Variants in IWS1 observed in about 807,000 individuals in gnomAD.
IWS1 encodes interacts with SUPT6H, CTD assembly factor 1, also known as protein IWS1 homolog.
A neutral mutation model predicts 86.7 loss-of-function variants in IWS1; 27 were observed. That is an observed-to-expected ratio of 0.31 (90% CI 0.23 to 0.43). The LOEUF (loss-of-function observed/expected upper bound fraction) is 0.43. Ranked by LOEUF, IWS1 falls within the 20% of genes least tolerant of loss-of-function variation. The pLI, the probability that IWS1 is intolerant of heterozygous loss-of-function variation, is 1.00. For missense variants in IWS1, 827 were observed against 1,000.8 expected (o/e 0.83, Z 2.34); for synonymous variants, 313 against 335.1 (o/e 0.93, Z 0.72).
rs1022006254 is a variant in IWS1, at chr2:127,526,486, G to C, written c.-278C>G. On this transcript the variant is annotated 5_prime_UTR_variant, in exon 1 of 14. Transcript: ENST00000295321. ...GAAGCACCGCTGGGGCCAAAATGGC[G>C]TCTGCCCACGACCCTCAAAGGAATG... is the stretch of plus-strand genomic sequence containing the variant. The C allele has an allele frequency of 4.0e-6, 6 of 1,517,596 alleles. No individual in the cohort carries two copies. Among genetic ancestry groups the C allele is most frequent in the Non-Finnish European group, 4.4e-6 (5 of 1,127,302 alleles). The allele number at this position is 1,517,596 out of a possible 1,614,324, so 94.0% of individuals were successfully genotyped here.
chr2:127,524,079 A>T (rs1170379543), intron 1 of IWS1, among the ~76,000 whole-genome samples: 3 of 152,216 alleles, frequency 2.0e-5, no homozygotes, highest in African/African-American at 7.2e-5. Context: ...CTTCATGTTA[A>T]AATTGGGTCT....
intron 5 of IWS1, among the ~76,000 whole-genome samples, chr2:127,501,079 T>G (rs1212881062): frequency 6.6e-6 from 1 of 152,230 alleles, no homozygotes; most frequent in Admixed American, 6.5e-5. Flanking sequence ...TCATTTAGAC[T>G]TATACACATA....
Position 127,489,460 on chromosome 2 carries a change from C to A in IWS1, c.2160-225G>T, listed in dbSNP as rs1446862012. On this transcript the variant is annotated intron_variant, in intron 11 of 13. Transcript: ENST00000295321. The surrounding 1 kb of genome is among the most constrained non-coding windows in gnomAD (Gnocchi z 4.8). ...TAATTGCCACATTTGTAACTAATGACCCTGTCCTCCTGGATGCAACTGTAT... is the reference window on the plus strand; with the variant it reads ...TAATTGCCACATTTGTAACTAATGAACCTGTCCTCCTGGATGCAACTGTAT... The A allele has an allele frequency of 3.6e-6, 2 of 555,976 alleles. No homozygotes were observed. The highest frequency in any genetic ancestry group is 6.4e-6 in the Non-Finnish European group (2 of 312,486). The allele number at this position is 555,976 out of a possible 1,614,324, so 34.4% of individuals were successfully genotyped here.
chr2:127,498,883 A>G (rs1690648309), intron 5 of IWS1: 1 of 152,104 alleles, frequency 6.6e-6, no homozygotes, highest in Admixed American at 6.5e-5. Flanking sequence ...CATTTTTTCC[A>G]TTTACAAAGC....
At position 127,523,717 on chromosome 2, in the gene IWS1, G is replaced by A; in HGVS notation, c.109C>T (p.His37Tyr). 6.2e-7 allele frequency: 1 copy of A among 1,613,938 alleles called. No homozygotes were observed. Among genetic ancestry groups the A allele is most frequent in the Non-Finnish European group, 8.5e-7 (1 of 1,179,914 alleles). The change falls in exon 2 of 14, where the codon CAC becomes TAC. Residue 37 changes from histidine to tyrosine, a missense_variant. This residue lies in a region of IWS1 where 548 missense variants were observed against 560.2 expected (regional missense o/e 0.98). Coordinates refer to ENST00000295321, the MANE Select transcript of IWS1 (RefSeq NM_017969.3). Reference sequence around the variant, plus strand: ...ACACTTCCAGTGTCTGATCCGGAGTGTTGCTCATTTACATCATCCTCACCG... The same window carrying A: ...ACACTTCCAGTGTCTGATCCGGAGTATTGCTCATTTACATCATCCTCACCG... ...SDGEDDVNEQ[H>Y]SGSDTGSVER... is the part of the protein sequence containing the mutation.
At chr2:127,521,196 G>A (rs1252600280) in intron 2 of IWS1, among the ~76,000 whole-genome samples, 1 of 152,202 alleles carries the variant, frequency 6.6e-6, no homozygotes, top group Non-Finnish European at 1.5e-5. Flanking sequence ...AGGTTGCAGT[G>A]AGCCAAGATC....
chr2:127,509,073 AG>A (rs1243102612), intron 2 of IWS1, among the ~76,000 whole-genome samples: 1 of 152,226 alleles, frequency 6.6e-6, no homozygotes, highest in Non-Finnish European at 1.5e-5. Flanking sequence ...AGGGCAAAAA[AG>A]GGGAGAAATC....
chr2:127,505,060 G>T lies in IWS1; in HGVS notation c.843C>A (p.Pro281=). ...CCGAATCACTGGCCTGGTTCCTTGG[G>T]GGATCCTCACTTTCCGAATCACTGA... is the stretch of plus-strand genomic sequence containing the variant. The part of the protein sequence containing the change: ...PRISDSESED[P]PRNQASDSEN... The change falls in exon 3 of 14, where the codon CCC becomes CCA. Residue 281 remains proline, a synonymous_variant. Coordinates refer to ENST00000295321, the MANE Select transcript of IWS1 (RefSeq NM_017969.3). This position sits in a 1 kb window ranked among gnomAD's most constrained non-coding sequence, Gnocchi z 5.0. 6.2e-7 allele frequency: 1 copy of T among 1,611,966 alleles called. No homozygotes were observed. Among genetic ancestry groups the T allele is most frequent in the Non-Finnish European group, 8.5e-7 (1 of 1,179,410 alleles).
At position 127,499,488 on chromosome 2, in the gene IWS1, C is replaced by A. The variant is rs535211034; in HGVS notation, c.1468-1251G>T. 6.6e-6 allele frequency among the ~76,000 whole-genome samples: 1 copy of A among 152,246 alleles called. No individual in the cohort carries two copies. The highest frequency in any genetic ancestry group is 2.1e-4 in the South Asian group (1 of 4,822). On this transcript the variant is annotated intron_variant, in intron 5 of 13. Transcript: ENST00000295321. This position sits in a 1 kb window ranked among gnomAD's most constrained non-coding sequence, Gnocchi z 4.0. ...GGCTTTCTCAATGGTTCACCTAGTA[C>A]AATTTTTTTCTAACTGAACTGAAAC...
chr2:127,511,226 G>A (rs552387719), intron 2 of IWS1: 3 of 152,172 alleles, frequency 2.0e-5, no homozygotes, highest in Non-Finnish European at 4.4e-5. Flanking sequence ...GTGGAATTTA[G>A]AGTCAGAAAG....
intron 2 of IWS1, among the ~76,000 whole-genome samples, chr2:127,521,262 TAGAA>T (rs1692079197): frequency 6.6e-6 from 1 of 151,926 alleles, no homozygotes; most frequent in South Asian, 2.1e-4. Flanking sequence ...AATATATACA[TAGAA>T]AGACACAAAA....
In IWS1 at chr2:127,505,689, C is replaced by A; in HGVS notation, c.214G>T (p.Asp72Tyr). Reference sequence around the variant, plus strand: ...CTAGCATTAAGATTTAAGGGCTCATCGTTCTCAGAGTCTGTCACATGATGT... The same window carrying A: ...CTAGCATTAAGATTTAAGGGCTCATAGTTCTCAGAGTCTGTCACATGATGT... ...KGHHVTDSEN[D>Y]EPLNLNASDS... Residue 72 changes from aspartate (D) to tyrosine (Y), a missense_variant, in exon 3 of 14, where the codon GAT becomes TAT. By Grantham distance (160) the Asp-to-Tyr change is radical. Around this residue, in one of 2 missense-constraint regions of IWS1, gnomAD observed 548 missense variants for 560.2 expected, o/e 0.98. Coordinates refer to ENST00000295321, the MANE Select transcript of IWS1 (RefSeq NM_017969.3). The surrounding 1 kb of genome is among the most constrained non-coding windows in gnomAD (Gnocchi z 5.0). The A allele has an allele frequency of 6.2e-7, 1 of 1,612,856 alleles. No homozygotes were observed.
rs528297686 is a variant in IWS1, at chr2:127,499,984, T to G, written c.1468-1747A>C. 6.6e-6 allele frequency among the ~76,000 whole-genome samples: 1 copy of G among 152,308 alleles called. No homozygotes were observed. The highest frequency in any genetic ancestry group is 6.5e-5 in the Admixed American group (1 of 15,298). The stretch of plus-strand genomic sequence containing the variant: ...ACCAATTCTAGGTGAATTATACAAT[T>G]AAATGTGAAAGACTGAATAATCAAG... On this transcript the variant is annotated intron_variant, in intron 5 of 13. Coordinates refer to ENST00000295321, the MANE Select transcript of IWS1 (RefSeq NM_017969.3). This position sits in a 1 kb window ranked among gnomAD's most constrained non-coding sequence, Gnocchi z 4.0.
In IWS1 at chr2:127,481,011, T is replaced by C. The variant is rs368167285; in HGVS notation, c.*33A>G. The C allele has an allele frequency of 1.9e-6, 3 of 1,580,684 alleles. No individual in the cohort carries two copies. The highest frequency in any genetic ancestry group is 2.0e-5 in the Admixed American group (1 of 50,746). On this transcript the variant is annotated 3_prime_UTR_variant, in exon 14 of 14. Transcript: ENST00000295321. Reference sequence around the variant, plus strand: ...TCCAAAGAGTCCATTGCGCATTTCTTAGAGTAGAGATGGGGACACATTCCA... The same window carrying C: ...TCCAAAGAGTCCATTGCGCATTTCTCAGAGTAGAGATGGGGACACATTCCA...
chr2:127,506,573 AAGG>A (rs1306113843), intron 2 of IWS1: 1 of 158,474 alleles, frequency 6.3e-6, no homozygotes, highest in African/African-American at 2.4e-5. Flanking sequence ...CAAACAAAGA[AAGG>A]AGAAGTTAAC....
intron 8 of IWS1, among the ~76,000 whole-genome samples, chr2:127,493,666 T>C (rs1022425529): frequency 6.6e-6 from 1 of 151,898 alleles, no homozygotes; most frequent in Non-Finnish European, 1.5e-5. Context: ...AAATTAATGC[T>C]GATATGAATG....
Position 127,489,518 on chromosome 2 carries a change from A to AT in IWS1, c.2160-284dup, listed in dbSNP as rs1171718840. ...TATCAATACAAACTAAAACTATAAC[A>AT]TTTTTTCTTCTAGGAACTCGGAAAC... On this transcript the variant is annotated intron_variant, in intron 11 of 13. Transcript: ENST00000295321. The surrounding 1 kb of genome is among the most constrained non-coding windows in gnomAD (Gnocchi z 4.8). 27 of 494,552 alleles carry AT rather than the reference A, an allele frequency of 5.5e-5. No individual in the cohort carries two copies. The highest frequency in any genetic ancestry group is 8.9e-5 in the Non-Finnish European group (25 of 281,436). The allele number at this position is 494,552 out of a possible 1,614,324, so 30.6% of individuals were successfully genotyped here.
intron 3 of IWS1, among the ~76,000 whole-genome samples, chr2:127,504,140 G>C (rs1337752091): frequency 1.3e-5 from 2 of 152,220 alleles, no homozygotes; most frequent in Non-Finnish European, 2.9e-5. Context: ...AAGTAGACAA[G>C]TAATACTATC....
intron 7 of IWS1, 52 bp downstream of exon 7, chr2:127,495,946 A>C: frequency 6.6e-7 from 1 of 1,504,322 alleles, no homozygotes; most frequent in South Asian, 1.3e-5. Context: ...AAGGGCATCC[A>C]ATAAACTCAG....
Sources: gnomAD v4.1 joint callset for allele counts (sites outside exome capture counted in the v4.1 genomes callset) on GRCh38, gnomAD v4.1.1 for gene constraint, gnomAD v4.1.1 regional missense constraint, Gnocchi (gnomAD v3.1) non-coding constraint, MANE v1.5 for transcripts, NCBI Gene and HGNC (gene_info 2026-07-23, HGNC 2026-07-21) for gene names.